The following FAM178B variants were observed in gnomAD, a reference collection of about 807,000 sequenced individuals.
FAM178B encodes protein FAM178B.
In FAM178B, 82 loss-of-function variants were observed where a neutral mutation model predicts 91.7. The observed-to-expected ratio is 0.89, with a 90% confidence interval of 0.75 to 1.07. The LOEUF is 1.07. Ranked by LOEUF, FAM178B falls within the 50% of genes least tolerant of loss-of-function variation. The pLI is 0.00. For missense variants in FAM178B, 769 were observed against 846.7 expected (o/e 0.91, Z 1.14); for synonymous variants, 368 against 359.4 (o/e 1.02, Z -0.27).
intron 1 of FAM178B, among the ~76,000 whole-genome samples, chr2:96,977,194 C>CAAAAAAAAAAAAAAAA (rs70964891): frequency 2.6e-5 from 1 of 38,502 alleles, no homozygotes. Context: ...GACTCTGTCT[C>CAAAAAAAAAAAAAAAA]AAAAAAAAAA....
rs377156287 is a variant in FAM178B, at chr2:96,928,019, A to G, written c.1193+1187T>C. Among the ~76,000 whole-genome samples the G allele has an allele frequency of 3.2e-4, 49 of 152,366 alleles. No individual in the cohort carries two copies. In the East Asian group the frequency reaches 8.9e-3, roughly 28 times the overall value. ...CTCCGGGAGGGAAAGGGGCAGGAGC[A>G]CGGCAGGCTGGCACATGTGTGGGGT... On this transcript the variant is annotated intron_variant, in intron 9 of 16. Coordinates refer to ENST00000490605, the MANE Select transcript of FAM178B (RefSeq NM_001122646.3).
At chr2:96,880,556 T>C (rs2080354157) in intron 14 of FAM178B, among the ~76,000 whole-genome samples, 1 of 152,240 alleles carries the variant, frequency 6.6e-6, no homozygotes, top group Non-Finnish European at 1.5e-5. Context: ...CTCTACAATG[T>C]GTGTACTCAT....
At chr2:96,960,528 G>A in intron 5 of FAM178B, 88 bp from the exon 6 acceptor site, 3 of 1,392,392 alleles carry the variant, frequency 2.2e-6, no homozygotes, top group Non-Finnish European at 2.9e-6. Flanking sequence ...GGATAGAGGG[G>A]GGCCACGGGC....
chr2:96,945,580 C>T (rs767997649), intron 8 of FAM178B, among the ~76,000 whole-genome samples: 5 of 152,074 alleles, frequency 3.3e-5, no homozygotes, highest in Non-Finnish European at 7.4e-5. Context: ...ATCATAGATA[C>T]GGGTGAAGGG....
At chr2:96,893,832 C>A (rs1336175462) in intron 14 of FAM178B, 94 bp downstream of exon 14, 4 of 1,446,126 alleles carry the variant, frequency 2.8e-6, no homozygotes, top group Admixed American at 2.2e-5. Context: ...TGGAAGGACC[C>A]GCAGGCCATG....
intron 14 of FAM178B, among the ~76,000 whole-genome samples, chr2:96,888,621 G>T (rs2080586676): frequency 6.6e-6 from 1 of 152,222 alleles, no homozygotes; most frequent in South Asian, 2.1e-4. Context: ...CCTTGGCAGG[G>T]TCACCCAGCA....
intron 14 of FAM178B, among the ~76,000 whole-genome samples, chr2:96,879,160 C>CA (rs2080317986): frequency 6.6e-6 from 1 of 152,184 alleles, no homozygotes; most frequent in Non-Finnish European, 1.5e-5. Context: ...GGGAGCATCC[C>CA]AGGGCGTGAG....
chr2:96,954,012 G>C (rs1035683964), intron 6 of FAM178B, among the ~76,000 whole-genome samples: 2 of 152,256 alleles, frequency 1.3e-5, no homozygotes, highest in Non-Finnish European at 1.5e-5. Context: ...AGAATTGGCT[G>C]TTGTCAGAGT....
At chr2:96,914,288 G>C (rs1031853722) in intron 12 of FAM178B, among the ~76,000 whole-genome samples, 2 of 152,242 alleles carry the variant, frequency 1.3e-5, no homozygotes, top group Non-Finnish European at 1.5e-5. Flanking sequence ...CTCTGAGGCA[G>C]TGACATGTGA....
chr2:96,964,695 C>T (rs1308863624), intron 5 of FAM178B, among the ~76,000 whole-genome samples: 5 of 152,224 alleles, frequency 3.3e-5, no homozygotes, highest in Non-Finnish European at 7.3e-5. Context: ...TCTGACCCCA[C>T]TTCCCTTTTC....
chr2:96,952,089 A>G (rs1302287019), intron 6 of FAM178B, among the ~76,000 whole-genome samples: 1 of 152,174 alleles, frequency 6.6e-6, no homozygotes, highest in East Asian at 1.9e-4. Flanking sequence ...GGAAAGTGGA[A>G]TATTTGCCAA....
At chr2:96,898,486 C>T (rs1322524513) in intron 13 of FAM178B, among the ~76,000 whole-genome samples, 4 of 152,092 alleles carry the variant, frequency 2.6e-5, no homozygotes, top group Admixed American at 6.5e-5. Flanking sequence ...GAAACCCTGC[C>T]GCTAAAAAAA....
chr2:96,911,196 G>A lies in FAM178B; in HGVS notation c.1563-8489C>T, dbSNP rs370561130. The stretch of plus-strand genomic sequence containing the variant: ...CAGGCTCTGTGGACTCAGGGAGTAC[G>A]GCCACAGCACCTGTCCCTCTGATGC... On this transcript the variant is annotated intron_variant, in intron 12 of 16. Transcript: ENST00000490605. Among the ~76,000 whole-genome samples, 27 of 152,236 alleles carry A rather than the reference G, an allele frequency of 1.8e-4. No individual in the cohort carries two copies. In the East Asian group the frequency reaches 4.0e-3, roughly 23 times the overall value.
Position 96,960,390 on chromosome 2 carries a change from T to G in FAM178B, c.785A>C (p.His262Pro), listed in dbSNP as rs114502979. The change falls in exon 6 of 17, where the codon CAT (histidine) becomes CCT (proline). Residue 262 changes from histidine (H) to proline (P), a missense_variant. By Grantham distance (77) the His-to-Pro change is moderately conservative. Coordinates refer to ENST00000490605, the MANE Select transcript of FAM178B (RefSeq NM_001122646.3). ...GGGCAGAAACACAGTCTCACCTGGA[T>G]GGACCGGCGGGATGGTCTGCAGGGA... ...SVSLQTIPPV[H>P]PGETVFLPRC... 7.6e-4 allele frequency: 1,176 copies of G among 1,551,862 alleles called. 10 individuals carry two copies. The African/African-American group carries it at 0.014, about 19-fold the overall frequency.
Position 96,890,042 on chromosome 2 carries a change from G to A in FAM178B, c.1776+3884C>T, listed in dbSNP as rs568641212. 3.8e-4 allele frequency among the ~76,000 whole-genome samples: 57 copies of A among 151,510 alleles called. No individual in the cohort carries two copies. In the Middle Eastern group the frequency reaches 0.021, roughly 57 times the overall value. On this transcript the variant is annotated intron_variant, in intron 14 of 16. Coordinates refer to ENST00000490605, the MANE Select transcript of FAM178B (RefSeq NM_001122646.3). ...TGTAATCCTAGCACTTTGGGAGGCC[G>A]AGGTGGGCAGATCACCTGAGGTCAT...
rs147523420 is a variant in FAM178B at position 96,893,998 on chromosome 2, T to C, written c.1704A>G (p.Gln568=). Residue 568 remains glutamine (Q), a synonymous_variant, in exon 14 of 17, where the codon CAA becomes CAG. Coordinates refer to ENST00000490605, the MANE Select transcript of FAM178B (RefSeq NM_001122646.3). ...LGLMRPSSLR[Q]YLDSVPLPPC... ...GTGGCAAGGGCACAGAGTCCAGGTA[T>C]TGCCTGAGAGATGATGGCCTCATGA... 3.3e-5 allele frequency: 53 copies of C among 1,612,574 alleles called. No homozygotes were observed. The highest frequency in any genetic ancestry group is 4.3e-5 in the Non-Finnish European group (51 of 1,179,614).
chr2:96,946,396 C>A (rs1209330439), intron 8 of FAM178B, among the ~76,000 whole-genome samples: 3 of 152,220 alleles, frequency 2.0e-5, no homozygotes, highest in Non-Finnish European at 4.4e-5. Flanking sequence ...CTGCTCAAGT[C>A]CCTGCATTCA....
At chr2:96,877,855 C>T in intron 16 of FAM178B, 35 bp downstream of exon 16, 1 of 1,602,584 alleles carries the variant, frequency 6.2e-7, no homozygotes, top group African/African-American at 1.3e-5. Context: ...CCACTTCCCG[C>T]CCCTCCCAGG....
At chr2:96,890,792 T>C (rs768717964) in intron 14 of FAM178B, among the ~76,000 whole-genome samples, 18 of 152,192 alleles carry the variant, frequency 1.2e-4, no homozygotes, top group Non-Finnish European at 2.1e-4. Context: ...TAAACTCTCC[T>C]GTGTTAACTC....
Sources: gnomAD v4.1 joint callset for allele counts (sites outside exome capture counted in the v4.1 genomes callset) on GRCh38, gnomAD v4.1.1 for gene constraint, MANE v1.5 for transcripts, NCBI Gene and HGNC (gene_info 2026-07-23, HGNC 2026-07-21) for gene names.